Variants in CPXM2 observed in about 807,000 individuals in gnomAD.
The protein encoded by CPXM2 is inactive carboxypeptidase-like protein X2.
A neutral mutation model predicts 86.1 loss-of-function variants in CPXM2; 66 were observed. The observed-to-expected ratio is 0.77, with a 90% CI of 0.63 to 0.94. CPXM2 has a LOEUF of 0.94. CPXM2 is among the 40% of genes least tolerant of loss of function. The pLI, the probability that CPXM2 is intolerant of heterozygous loss-of-function variation, is 0.00. For synonymous variants in CPXM2, 388 were observed against 400.2 expected (o/e 0.97, Z 0.36); for missense variants, 948 against 1,026.3 (o/e 0.92, Z 1.04).
intron 2 of CPXM2, among the ~76,000 whole-genome samples, chr10:123,864,237 C>T (rs143345372): frequency 2.7e-4 from 41 of 152,216 alleles, no homozygotes; most frequent in Non-Finnish European, 3.8e-4. Context: ...TCCCGCCCAC[C>T]GAGAGACCCC....
intron 2 of CPXM2, chr10:123,913,858 C>T (rs1945511236): frequency 2.6e-6 from 1 of 384,710 alleles, no homozygotes. Flanking sequence ...CTTCCAAGCA[C>T]CATCCCTCCT....
chr10:123,798,248 G>T, intron 5 of CPXM2, 122 bp from the exon 6 acceptor site: 609 of 425,844 alleles, frequency 1.4e-3, no homozygotes, highest in Middle Eastern at 1.7e-3. Context: ...GCTGTGCATT[G>T]AAAAGAAAAA....
intron 11 of CPXM2, 142 bp from the exon 12 acceptor site, chr10:123,757,494 C>T (rs912696234): frequency 2.0e-5 from 14 of 685,848 alleles, no homozygotes; most frequent in Non-Finnish European, 3.3e-5. Context: ...CTACTATAGA[C>T]AAAAATTTGC....
At chr10:123,751,828 T>C (rs1286409987) in intron 13 of CPXM2, 3 of 985,226 alleles carry the variant, frequency 3.0e-6, no homozygotes, top group Non-Finnish European at 3.6e-6. Context: ...ATGGAGTTTA[T>C]CTGTCATGAG....
chr10:123,860,304 T>C (rs189133305), intron 3 of CPXM2, among the ~76,000 whole-genome samples: 2 of 152,280 alleles, frequency 1.3e-5, no homozygotes, highest in Admixed American at 6.5e-5. Context: ...AGGACTCTCA[T>C]CTTTCTGATG....
At chr10:123,830,456 C>T (rs966885236) in intron 4 of CPXM2, among the ~76,000 whole-genome samples, 1 of 152,190 alleles carries the variant, frequency 6.6e-6, no homozygotes, top group Non-Finnish European at 1.5e-5. Context: ...ATAAAAGGAG[C>T]GCTAGTAGTC....
chr10:123,885,534 A>G lies in CPXM2; in HGVS notation c.305-5225T>C, dbSNP rs1422895044. On this transcript the variant is annotated intron_variant, in intron 1 of 13. Transcript: ENST00000241305. The surrounding 1 kb of genome is among the most constrained non-coding windows in gnomAD (Gnocchi z 4.0). ...ATCTGTGACATCAGGGGCTTAAATT[A>G]ACATGTGAAGCTGTTTTGTGCCATG... Among the ~76,000 whole-genome samples, 2 of 152,226 alleles carry G rather than the reference A, an allele frequency of 1.3e-5. No individual in the cohort carries two copies. The highest frequency in any genetic ancestry group is 2.9e-5 in the Non-Finnish European group (2 of 68,042).
chr10:123,920,653 G>A (rs929555871), intron 2 of CPXM2, among the ~76,000 whole-genome samples: 2 of 152,058 alleles, frequency 1.3e-5, no homozygotes, highest in African/African-American at 4.8e-5. Context: ...TAATTGTTAG[G>A]GTTTAAATGT....
At chr10:123,806,175 G>T (rs1034786538) in intron 4 of CPXM2, among the ~76,000 whole-genome samples, 2 of 151,980 alleles carry the variant, frequency 1.3e-5, no homozygotes, top group African/African-American at 4.8e-5. Flanking sequence ...CTGATAGTAC[G>T]CTTTTTCAGT....
At chr10:123,933,024 G>A (rs886544625) in intron 2 of CPXM2, among the ~76,000 whole-genome samples, 1 of 152,180 alleles carries the variant, frequency 6.6e-6, no homozygotes, top group African/African-American at 2.4e-5. Context: ...GAAGATCTCA[G>A]GACCAATCCA....
At chr10:123,867,831 C>A (rs900168962) in intron 2 of CPXM2, among the ~76,000 whole-genome samples, 2 of 152,158 alleles carry the variant, frequency 1.3e-5, no homozygotes, top group Non-Finnish European at 2.9e-5. Context: ...CTGCGCCCGG[C>A]CCATCCTAGA....
chr10:123,842,635 ACTC>A (rs1161795046), intron 3 of CPXM2, 147 bp from the exon 4 acceptor site: 1 of 736,598 alleles, frequency 1.4e-6, no homozygotes, highest in Non-Finnish European at 2.2e-6. Context: ...TGTGCCCTGA[ACTC>A]CTCATCCTAA....
At chr10:123,819,689 T>C (rs932317338) in intron 4 of CPXM2, among the ~76,000 whole-genome samples, 20 of 152,208 alleles carry the variant, frequency 1.3e-4, no homozygotes, top group African/African-American at 4.6e-4. Flanking sequence ...GTACAAAGGA[T>C]AGTGGTATTA....
In CPXM2 at chr10:123,885,941, C is replaced by T. The variant is rs553874860; in HGVS notation, c.304+5415G>A. 1.5e-4 allele frequency among the ~76,000 whole-genome samples: 23 copies of T among 152,364 alleles called. No individual in the cohort carries two copies. The highest frequency in any genetic ancestry group is 5.0e-4 in the African/African-American group (21 of 41,598). On this transcript the variant is annotated intron_variant, in intron 1 of 13. Coordinates refer to ENST00000241305, the MANE Select transcript of CPXM2 (RefSeq NM_198148.3). The surrounding 1 kb of genome is among the most constrained non-coding windows in gnomAD (Gnocchi z 4.0). ...CAGCATGCAGTCCAGCTTTCGCAAA[C>T]GTGGGTGTGTCCTCCTTTATTATCC...
intron 11 of CPXM2, among the ~76,000 whole-genome samples, chr10:123,760,070 T>C (rs1039710769): frequency 6.6e-6 from 1 of 152,130 alleles, no homozygotes; most frequent in Non-Finnish European, 1.5e-5. Context: ...GATGAATGAT[T>C]AAAAAGGCTC....
chr10:123,837,591 G>A (rs771643232), intron 4 of CPXM2, among the ~76,000 whole-genome samples: 7 of 152,080 alleles, frequency 4.6e-5, no homozygotes, highest in South Asian at 2.1e-4. Context: ...TGTCATTAGG[G>A]AAATAAAAGA....
chr10:123,748,935 C>T (rs548163945), intron 13 of CPXM2, among the ~76,000 whole-genome samples: 3 of 152,212 alleles, frequency 2.0e-5, no homozygotes, highest in East Asian at 3.9e-4. Flanking sequence ...TGCCTCGGCC[C>T]GGTGTTAAAG....
chr10:123,866,433 G>A (rs1295896855), intron 2 of CPXM2, among the ~76,000 whole-genome samples: 2 of 151,998 alleles, frequency 1.3e-5, no homozygotes, highest in Non-Finnish European at 2.9e-5. Context: ...AGGTGTGGTG[G>A]TACACGCTGT....
intron 3 of CPXM2, among the ~76,000 whole-genome samples, chr10:123,859,523 C>T (rs112211175): frequency 1.5e-3 from 224 of 152,290 alleles, no homozygotes; most frequent in African/African-American, 5.1e-3. Context: ...ACATTGCAAA[C>T]GACACTGTCC....
Sources: allele counts gnomAD v4.1 joint callset (sites outside exome capture counted in the v4.1 genomes callset), GRCh38; gene constraint gnomAD v4.1.1; non-coding constraint Gnocchi (gnomAD v3.1); transcripts MANE v1.5; gene names NCBI Gene and HGNC (gene_info 2026-07-23, HGNC 2026-07-21).